TTC34: variants seen among roughly 807,000 people sequenced by gnomAD.
The protein encoded by TTC34 is tetratricopeptide repeat domain 34.
Under a neutral mutation model 40.7 loss-of-function variants are expected in TTC34, and 44 were observed. That is an observed-to-expected ratio of 1.08 (90% confidence interval 0.85 to 1.39). The LOEUF is 1.39. Among genes scored for constraint, TTC34 ranks in the 40% most tolerant of loss-of-function variants. The probability of loss-of-function intolerance (pLI) is 0.00; values close to 1 mark genes in which losing one functional copy is unlikely to be tolerated. For missense variants in TTC34, 884 were observed against 838.0 expected, an observed-to-expected ratio of 1.05 and a Z score of -0.68; for synonymous variants, 422 against 398.6, an observed-to-expected ratio of 1.06 and a Z score of -0.70.
At chr1:2,759,319 A>C (rs1205707275) in intron 6 of TTC34, among the ~76,000 whole-genome samples, 1,668 of 14,888 alleles carry the variant, frequency 0.11, no homozygotes, top group Middle Eastern at 0.25. Flanking sequence ...ACCCACACCC[A>C]CAGGCGAGCA....
chr1:2,688,595 G>A (rs201344939), intron 6 of TTC34, among the ~76,000 whole-genome samples: 1 of 142,906 alleles, frequency 7.0e-6, no homozygotes, highest in Admixed American at 6.9e-5. Flanking sequence ...CCGACAGCCT[G>A]GAGCAGCACC....
At chr1:2,640,999 G>A (rs1188798263) in exon 9 of TTC34, 1 of 181,180 alleles carries the variant, frequency 5.5e-6, no homozygotes, top group Non-Finnish European at 1.1e-5. Context: ...ACTCATGCTG[G>A]GGCAGGGAAG....
chr1:2,686,135 C>T (rs1196052967), intron 6 of TTC34, among the ~76,000 whole-genome samples: 1 of 110,736 alleles, frequency 9.0e-6, no homozygotes, highest in South Asian at 2.7e-4. Context: ...AGGTGAGCAT[C>T]TGATGGTCTG....
At chr1:2,644,894 TC>T (rs1638987552) in intron 7 of TTC34, among the ~76,000 whole-genome samples, 1 of 151,966 alleles carries the variant, frequency 6.6e-6, no homozygotes, top group Non-Finnish European at 1.5e-5. Context: ...GATGTGGAAA[TC>T]CGCGGGAAGG....
At chr1:2,753,280 G>T (rs1641387170) in intron 6 of TTC34, among the ~76,000 whole-genome samples, 2 of 130,944 alleles carry the variant, frequency 1.5e-5, no homozygotes, top group African/African-American at 6.1e-5. Flanking sequence ...TGACAGCCTG[G>T]AACAGCACCC....
chr1:2,687,618 C>A (rs1449566340), intron 6 of TTC34, among the ~76,000 whole-genome samples: 1 of 151,144 alleles, frequency 6.6e-6, no homozygotes, highest in African/African-American at 2.5e-5. Flanking sequence ...CCCAGGTGAG[C>A]AGCTGATATC....
intron 6 of TTC34, among the ~76,000 whole-genome samples, chr1:2,749,056 C>A (rs1445333030): frequency 1.3e-4 from 1 of 7,952 alleles, no homozygotes; most frequent in Non-Finnish European, 2.6e-4. Flanking sequence ...AGGTGAGAAT[C>A]CGACAGCCTG....
chr1:2,750,077 AGGCAC>A (rs2100426456), intron 6 of TTC34, among the ~76,000 whole-genome samples: 1 of 90,390 alleles, frequency 1.1e-5, no homozygotes, highest in East Asian at 4.4e-4. Flanking sequence ...CTGGAGCAGC[AGGCAC>A]ACCCCCAGTG....
chr1:2,789,733 C>G (rs1218444464), exon 3 of TTC34: 2 of 829,790 alleles, frequency 2.4e-6, no homozygotes, highest in East Asian at 6.7e-5. Context: ...ACGCGCTGCC[C>G]GCCAGCACCC....
chr1:2,797,631 G>A (rs1168761546), intron 2 of TTC34, among the ~76,000 whole-genome samples: 1 of 152,118 alleles, frequency 6.6e-6, no homozygotes, highest in Non-Finnish European at 1.5e-5. Flanking sequence ...CCTTTGGGGT[G>A]GAGACGCAGC....
At chr1:2,799,128 T>C (rs1003576192) in intron 2 of TTC34, among the ~76,000 whole-genome samples, 5 of 147,566 alleles carry the variant, frequency 3.4e-5, no homozygotes, top group Admixed American at 2.0e-4. Flanking sequence ...CCTCCCGGCC[T>C]CCCAGCCTCC....
intron 6 of TTC34, chr1:2,775,370 A>C (rs545785615): frequency 1.3e-3 from 190 of 148,332 alleles, no homozygotes; most frequent in African/African-American, 4.4e-3. Context: ...AGAATATGAC[A>C]GAATAAAGCA....
exon 2 of TTC34, chr1:2,800,666 C>T: frequency 2.5e-6 from 1 of 398,554 alleles, no homozygotes; most frequent in Non-Finnish European, 4.4e-6. Context: ...CCGCCGCCCC[C>T]CGAGCCTGGG....
At chr1:2,757,056 AG>A (rs1641530613) in intron 6 of TTC34, among the ~76,000 whole-genome samples, 1 of 150,630 alleles carries the variant, frequency 6.6e-6, no homozygotes, top group Non-Finnish European at 1.5e-5. Context: ...AGCCTGGAAC[AG>A]GACCCACACC....
chr1:2,641,471 G>A (rs1363859935), exon 9 of TTC34: 22 of 1,535,692 alleles, frequency 1.4e-5, no homozygotes, highest in South Asian at 2.4e-5. Context: ...CTCTACCGCC[G>A]TCCAGGCCTC....
In TTC34 at chr1:2,652,115, C is replaced by A. The variant is rs796832331; in HGVS notation, c.2227-6552G>T. Among the ~76,000 whole-genome samples the A allele has an allele frequency of 9.0e-4, 2 of 2,218 alleles. 1 individual carries two copies. Among genetic ancestry groups the A allele is most frequent in the Admixed American group, 0.014 (2 of 146 alleles). The allele number at this position is 2,218 out of a possible 152,430, so 1.5% of individuals were successfully genotyped here. On this transcript the variant is annotated intron_variant, in intron 6 of 8. Coordinates refer to ENST00000401095, the Ensembl canonical transcript of TTC34. ...GTGAGCATCTGACAGACTGGAACAG[C>A]ACCCTGCACCCCCAGGTGAGCATCC...
rs1325344183 is a variant in TTC34 at position 2,750,460 on chromosome 1, T to G, written c.2226+33149A>C. ...GCACCCACACACCCAGGCGAGTATCTGACGGCCTGGAACAGCACCCACACC... is the reference window on the plus strand; with the variant it reads ...GCACCCACACACCCAGGCGAGTATCGGACGGCCTGGAACAGCACCCACACC... On this transcript the variant is annotated intron_variant, in intron 6 of 8. Transcript: ENST00000401095. 7.7e-3 allele frequency among the ~76,000 whole-genome samples: 499 copies of G among 64,710 alleles called. 150 individuals are homozygous for G. Among genetic ancestry groups the G allele is most frequent in the African/African-American group, 0.033 (479 of 14,322 alleles). 42.5% of individuals were successfully genotyped at this position (64,710 alleles called of 152,430 possible).
chr1:2,687,609 C>G (rs1267184648), intron 6 of TTC34, among the ~76,000 whole-genome samples: 1 of 151,386 alleles, frequency 6.6e-6, no homozygotes, highest in African/African-American at 2.5e-5. Flanking sequence ...ACCCACACCC[C>G]CAGGTGAGCA....
At chr1:2,799,915 T>C (rs1643753710) in intron 2 of TTC34, 129 bp downstream of exon 2, 3 of 397,762 alleles carry the variant, frequency 7.5e-6, no homozygotes, top group Non-Finnish European at 1.3e-5. Context: ...AGGGCCTGAC[T>C]TTCTTGTCAC....
Sources: gnomAD v4.1 joint callset for allele counts (sites outside exome capture counted in the v4.1 genomes callset) on GRCh38, gnomAD v4.1.1 for gene constraint, MANE v1.5 for transcripts, NCBI Gene and HGNC (gene_info 2026-07-23, HGNC 2026-07-21) for gene names.